The following PANX3 variants were observed in gnomAD, a reference collection of about 807,000 sequenced individuals.
PANX3 encodes the protein pannexin-3.
PANX3 carries 18 observed loss-of-function variants against 31.5 expected under a neutral mutation model. The observed-to-expected ratio is 0.57, with a 90% confidence interval of 0.39 to 0.85. The LOEUF is 0.85. Among genes scored for constraint, PANX3 ranks in the 40% least tolerant of loss-of-function variants. PANX3 has a pLI of 0.00. For missense variants in PANX3, 426 were observed against 485.4 expected, an observed-to-expected ratio of 0.88 and a Z score of 1.15; for synonymous variants, 194 against 201.6, an observed-to-expected ratio of 0.96 and a Z score of 0.32.
intron 1 of PANX3, 38 bp downstream of exon 1, chr11:124,611,775 C>T (rs757148520): frequency 1.3e-6 from 2 of 1,583,940 alleles, no homozygotes; most frequent in South Asian, 1.1e-5. Flanking sequence ...AAGAGAGACT[C>T]CCCCTCATGT....
intron 1 of PANX3, among the ~76,000 whole-genome samples, chr11:124,612,235 A>C (rs1366033057): frequency 2.6e-5 from 4 of 152,128 alleles, no homozygotes; most frequent in Admixed American, 6.5e-5. Context: ...TGCTGCATAA[A>C]CCCACTGCTT....
chr11:124,617,750 C>A (rs767056516), intron 3 of PANX3, among the ~76,000 whole-genome samples: 1 of 152,198 alleles, frequency 6.6e-6, no homozygotes, highest in Non-Finnish European at 1.5e-5. Context: ...CCTTCAGAAA[C>A]CTTAAATAGC....
chr11:124,619,640 G>C lies in PANX3; in HGVS notation c.884G>C (p.Cys295Ser). 1 of 1,614,202 alleles carries C rather than the reference G, an allele frequency of 6.2e-7. No homozygotes were observed. The highest frequency in any genetic ancestry group is 1.3e-5 in the African/African-American group (1 of 75,038). ...PVIIYNLTRL[C>S]RWDKRLLSVY... is the part of the protein sequence containing the mutation. ...ATAATATACAACCTCACACGGCTAT[G>C]TCGGTGGGACAAACGACTTTTATCT... The change falls in exon 4 of 4, where the codon TGT becomes TCT. Residue 295 changes from cysteine (C) to serine (S), a missense_variant. Transcript: ENST00000284288.
chr11:124,611,598 T>C lies in PANX3; in HGVS notation c.42T>C (p.Asp14=), dbSNP rs35027803. The C allele has an allele frequency of 0.065, 104,948 of 1,613,972 alleles. 3,763 individuals are homozygous for C. The highest frequency in any genetic ancestry group is 0.075 in the Non-Finnish European group (88,686 of 1,179,878). ...AHTAAEYMLS[D]ALLPDRRGPR... ...CAGCTGCAGAGTACATGCTCTCAGA[T>C]GCCCTGCTGCCTGACCGCAGGGGAC... The change falls in exon 1 of 4, where the codon GAT becomes GAC. Residue 14 remains aspartate (D), a synonymous_variant. Coordinates refer to ENST00000284288, the MANE Select transcript of PANX3 (RefSeq NM_052959.3).
At chr11:124,614,121 G>C (rs1486617798) in intron 2 of PANX3, among the ~76,000 whole-genome samples, 1 of 127,830 alleles carries the variant, frequency 7.8e-6, no homozygotes, top group Non-Finnish European at 1.6e-5. Flanking sequence ...AATGGAAAGA[G>C]TTAATGAGAT....
chr11:124,613,907 T>G (rs1271477908), intron 2 of PANX3, among the ~76,000 whole-genome samples: 1 of 152,158 alleles, frequency 6.6e-6, no homozygotes, highest in African/African-American at 2.4e-5. Context: ...AATATTGGGC[T>G]CCCTTGTCTC....
chr11:124,613,762 C>T (rs1233396468), intron 2 of PANX3, among the ~76,000 whole-genome samples: 1 of 152,158 alleles, frequency 6.6e-6, no homozygotes, highest in African/African-American at 2.4e-5. Flanking sequence ...GCCTCTCCTG[C>T]ACTCTTGTTT....
intron 2 of PANX3, among the ~76,000 whole-genome samples, chr11:124,615,968 C>T (rs552937688): frequency 3.3e-5 from 5 of 152,138 alleles, no homozygotes; most frequent in Non-Finnish European, 5.9e-5. Context: ...GAGCAGAGAT[C>T]GCACCACGGC....
intron 1 of PANX3, 99 bp downstream of exon 1, chr11:124,611,836 C>T: frequency 7.5e-7 from 1 of 1,325,352 alleles, no homozygotes; most frequent in Non-Finnish European, 1.0e-6. Context: ...TGACGGGATT[C>T]CATGGCTTCG....
chr11:124,613,258 C>A, intron 2 of PANX3, 136 bp downstream of exon 2: 2 of 1,109,140 alleles, frequency 1.8e-6, no homozygotes, highest in Non-Finnish European at 2.5e-6. Context: ...ATGTTTCAGG[C>A]ATTCTCTGAA....
intron 1 of PANX3, among the ~76,000 whole-genome samples, chr11:124,612,159 C>T (rs975998705): frequency 3.3e-5 from 5 of 152,104 alleles, no homozygotes; most frequent in African/African-American, 9.7e-5. Context: ...ACCCCTAACC[C>T]GCCAACTCCA....
intron 2 of PANX3, among the ~76,000 whole-genome samples, chr11:124,613,616 G>A (rs894449613): frequency 3.3e-5 from 5 of 152,148 alleles, no homozygotes; most frequent in Admixed American, 6.5e-5. Context: ...GTTTAATCTG[G>A]TTTAATCTCT....
chr11:124,618,997 A>C (rs1863183483), intron 3 of PANX3, among the ~76,000 whole-genome samples: 1 of 152,168 alleles, frequency 6.6e-6, no homozygotes, highest in Non-Finnish European at 1.5e-5. Flanking sequence ...TTGCTACCTA[A>C]AGATCCTACT....
chr11:124,615,491 G>C (rs1863143248), intron 2 of PANX3, among the ~76,000 whole-genome samples: 1 of 152,154 alleles, frequency 6.6e-6, no homozygotes, highest in Non-Finnish European at 1.5e-5. Context: ...AGCTATAAGT[G>C]AAGTAATCAT....
At chr11:124,617,224 C>T (rs753978544) in intron 2 of PANX3, 50 bp from the exon 3 acceptor site, 32 of 1,418,322 alleles carry the variant, frequency 2.3e-5, no homozygotes, top group East Asian at 4.8e-5. Context: ...CACTGTCACT[C>T]GGGGTCTCAG....
At chr11:124,615,972 C>T (rs1019916794) in intron 2 of PANX3, among the ~76,000 whole-genome samples, 3 of 152,052 alleles carry the variant, frequency 2.0e-5, no homozygotes, top group Non-Finnish European at 2.9e-5. Context: ...AGAGATCGCA[C>T]CACGGCACTC....
At chr11:124,611,816 G>A in intron 1 of PANX3, 79 bp downstream of exon 1, 1 of 1,439,550 alleles carries the variant, frequency 6.9e-7, no homozygotes, top group African/African-American at 1.4e-5. Context: ...AAGTGAGATG[G>A]TGCGCACAGT....
rs1863196535 is a variant in PANX3 at position 124,619,814 on chromosome 11, A to T, written c.1058A>T (p.Lys353Met). 1 of 1,614,054 alleles carries T rather than the reference A, an allele frequency of 6.2e-7. No individual in the cohort carries two copies. The highest frequency in any genetic ancestry group is 1.3e-5 in the African/African-American group (1 of 74,912). Reference sequence around the variant, plus strand: ...TGGCTGAGTGTCTTATGTGTGTTGAAGGATACAACCACCCAGAAGCACAAT... The same window carrying T: ...TGGCTGAGTGTCTTATGTGTGTTGATGGATACAACCACCCAGAAGCACAAT... ...FSWLSVLCVL[K>M]DTTTQKHNID... Residue 353 changes from lysine (K) to methionine (M), a missense_variant, in exon 4 of 4, where the codon AAG (lysine) becomes ATG (methionine). Coordinates refer to ENST00000284288, the MANE Select transcript of PANX3 (RefSeq NM_052959.3).
intron 2 of PANX3, among the ~76,000 whole-genome samples, chr11:124,613,520 G>A (rs186942900): frequency 6.6e-6 from 1 of 152,088 alleles, no homozygotes; most frequent in Non-Finnish European, 1.5e-5. Flanking sequence ...CTAGGAACTC[G>A]GCTGTGGGTC....
Sources: gnomAD v4.1 joint callset for allele counts (sites outside exome capture counted in the v4.1 genomes callset) on GRCh38, gnomAD v4.1.1 for gene constraint, MANE v1.5 for transcripts, NCBI Gene and HGNC (gene_info 2026-07-23, HGNC 2026-07-21) for gene names.